Variants in AVEN observed in about 807,000 individuals in gnomAD.
AVEN encodes cell death regulator Aven.
AVEN carries 41 observed loss-of-function variants against 38.1 expected under a neutral mutation model. The observed-to-expected ratio is 1.08, with a 90% CI of 0.84 to 1.40. AVEN has a LOEUF of 1.40. Ranked by LOEUF, AVEN falls within the 40% of genes most tolerant of loss-of-function variation. AVEN has a pLI of 0.00. For synonymous variants in AVEN, 206 were observed against 171.8 expected, an observed-to-expected ratio of 1.20 and a Z score of -1.56; for missense variants, 605 against 438.8, an observed-to-expected ratio of 1.38 and a Z score of -3.38.
downstream of AVEN, among the ~76,000 whole-genome samples, chr15:33,857,582 C>T (rs1156268918): frequency 1.3e-5 from 2 of 152,118 alleles, no homozygotes; most frequent in Non-Finnish European, 2.9e-5. Context: ...CCAGGAAGCC[C>T]GCTTCTCTTT....
At chr15:33,929,968 G>A (rs752906613) in intron 2 of AVEN, among the ~76,000 whole-genome samples, 3 of 152,082 alleles carry the variant, frequency 2.0e-5, no homozygotes, top group Non-Finnish European at 2.9e-5. Flanking sequence ...TGGTATAACC[G>A]CCGCTTAAAA....
chr15:33,959,162 T>G (rs943474044), intron 2 of AVEN, among the ~76,000 whole-genome samples: 1 of 152,170 alleles, frequency 6.6e-6, no homozygotes. Context: ...TAGTATCCAG[T>G]TGAAACATCA....
chr15:33,992,282 C>T (rs532958188), intron 2 of AVEN, among the ~76,000 whole-genome samples: 10 of 152,104 alleles, frequency 6.6e-5, no homozygotes, highest in African/African-American at 2.2e-4. Flanking sequence ...CCCAGCTACT[C>T]GGGAGGCTGA....
chr15:33,897,432 G>C (rs1892278842), intron 2 of AVEN, among the ~76,000 whole-genome samples: 1 of 152,038 alleles, frequency 6.6e-6, no homozygotes, highest in Non-Finnish European at 1.5e-5. Context: ...ACCATGCCTG[G>C]CTAATTTTTG....
intron 2 of AVEN, among the ~76,000 whole-genome samples, chr15:33,915,023 C>T (rs887867386): frequency 2.0e-5 from 3 of 151,912 alleles, no homozygotes; most frequent in African/African-American, 7.3e-5. Context: ...AAGAAAGTAC[C>T]CTCAAAAAAT....
chr15:34,017,994 A>C (rs1898020914), intron 1 of AVEN, among the ~76,000 whole-genome samples: 1 of 152,246 alleles, frequency 6.6e-6, no homozygotes, highest in African/African-American at 2.4e-5. Flanking sequence ...GTCATATAAA[A>C]GTCCAGCACA....
chr15:33,874,651 G>C (rs1403967418), intron 3 of AVEN, among the ~76,000 whole-genome samples: 1 of 152,182 alleles, frequency 6.6e-6, no homozygotes, highest in Non-Finnish European at 1.5e-5. Context: ...CCATACTACA[G>C]ACTACAGGTC....
At chr15:34,024,627 C>A (rs933505764) in intron 1 of AVEN, among the ~76,000 whole-genome samples, 105 of 147,324 alleles carry the variant, frequency 7.1e-4, no homozygotes, top group African/African-American at 2.6e-3. Context: ...CCGAGGCGGG[C>A]GGATCATGAG....
At chr15:33,880,285 A>G (rs928031280) in intron 2 of AVEN, among the ~76,000 whole-genome samples, 2 of 152,048 alleles carry the variant, frequency 1.3e-5, no homozygotes, top group Non-Finnish European at 2.9e-5. Flanking sequence ...AGAAGCAAAC[A>G]AGGAGGTCAG....
At chr15:33,979,336 A>G (rs1896032922) in intron 2 of AVEN, among the ~76,000 whole-genome samples, 1 of 152,124 alleles carries the variant, frequency 6.6e-6, no homozygotes, top group African/African-American at 2.4e-5. Flanking sequence ...AGCCTGGGCA[A>G]TATGGCAAAA....
downstream of AVEN, among the ~76,000 whole-genome samples, chr15:33,862,960 CTCA>C (rs1218709217): frequency 6.6e-6 from 1 of 152,180 alleles, no homozygotes; most frequent in African/African-American, 2.4e-5. Context: ...TGTGCCCTTC[CTCA>C]TGAGTATTTA....
intron 11 of AVEN, among the ~76,000 whole-genome samples, chr15:33,860,118 T>C (rs1237468138): frequency 6.6e-6 from 1 of 152,050 alleles, no homozygotes; most frequent in African/African-American, 2.4e-5. Flanking sequence ...AGAATGATAT[T>C]TTAGTCAACA....
intron 5 of AVEN, among the ~76,000 whole-genome samples, chr15:34,057,964 T>C (rs1354469108): frequency 1.3e-5 from 2 of 152,166 alleles, no homozygotes; most frequent in East Asian, 3.9e-4. Flanking sequence ...GAGAGATTTA[T>C]TTTTATTTTA....
Position 33,948,109 on chromosome 15 carries a change from T to C in AVEN, c.445+54923A>G, listed in dbSNP as rs901661143. On this transcript the variant is annotated intron_variant, in intron 2 of 5. Transcript: ENST00000306730. ...ATGTCTATTTTTCTTTTCTTTTTTT[T>C]TTTTTTGAGATGGAGTCTCGCTCTG... 7.3e-5 allele frequency among the ~76,000 whole-genome samples: 11 copies of C among 151,278 alleles called. No individual in the cohort carries two copies. The East Asian group carries it at 9.7e-4, about 13-fold the overall frequency.
downstream of AVEN, among the ~76,000 whole-genome samples, chr15:33,861,764 TA>T (rs1206732992): frequency 6.6e-6 from 1 of 152,212 alleles, no homozygotes; most frequent in Non-Finnish European, 1.5e-5. Flanking sequence ...CATTAATAGC[TA>T]AGCCCCATGA....
At chr15:34,019,402 A>G (rs1898106737) in intron 1 of AVEN, among the ~76,000 whole-genome samples, 1 of 152,244 alleles carries the variant, frequency 6.6e-6, no homozygotes, top group Admixed American at 6.5e-5. Flanking sequence ...AAAGTTTATA[A>G]AGTAAGAAAA....
intron 1 of AVEN, among the ~76,000 whole-genome samples, chr15:34,028,757 T>A (rs959066695): frequency 6.6e-6 from 1 of 152,036 alleles, no homozygotes; most frequent in African/African-American, 2.4e-5. Context: ...TTCAGTAACT[T>A]TCCTGAGATT....
At chr15:33,867,207 A>T (rs758032769) in intron 5 of AVEN, among the ~76,000 whole-genome samples, 2 of 152,248 alleles carry the variant, frequency 1.3e-5, no homozygotes, top group Non-Finnish European at 1.5e-5. Context: ...TGAAGGCTAC[A>T]GGTATCCTAA....
intron 2 of AVEN, among the ~76,000 whole-genome samples, chr15:33,926,899 C>T (rs1195735152): frequency 6.6e-6 from 1 of 152,160 alleles, no homozygotes; most frequent in Non-Finnish European, 1.5e-5. Context: ...AGGTGGTCTG[C>T]CTGCCTCAGC....
Sources: gnomAD v4.1 joint callset for allele counts (sites outside exome capture counted in the v4.1 genomes callset) on GRCh38, gnomAD v4.1.1 for gene constraint, MANE v1.5 for transcripts, NCBI Gene and HGNC (gene_info 2026-07-23, HGNC 2026-07-21) for gene names.